Variants in MCHR2 observed in about 807,000 individuals in gnomAD.
MCHR2 encodes the protein melanin concentrating hormone receptor 2.
In MCHR2, 15 loss-of-function variants were observed where a neutral mutation model predicts 24.8. That is an observed-to-expected ratio of 0.60 (90% CI 0.40 to 0.93). MCHR2 has a LOEUF of 0.93. Ranked by LOEUF, MCHR2 falls within the 40% of genes least tolerant of loss-of-function variation. The pLI, the probability that MCHR2 is intolerant of heterozygous loss-of-function variation, is 0.00. For synonymous variants in MCHR2, 151 were observed against 147.6 expected, an observed-to-expected ratio of 1.02 and a Z score of -0.17; for missense variants, 386 against 408.7, an observed-to-expected ratio of 0.94 and a Z score of 0.48.
intron 5 of MCHR2, among the ~76,000 whole-genome samples, chr6:99,924,791 T>G (rs1297092717): frequency 6.6e-6 from 1 of 152,116 alleles, no homozygotes; most frequent in Non-Finnish European, 1.5e-5. Context: ...ATTATTTGAA[T>G]TTTTAAAGAC....
chr6:99,934,366 C>T (rs1562119909), intron 5 of MCHR2, 32 bp downstream of exon 5: 4 of 1,525,948 alleles, frequency 2.6e-6, no homozygotes, highest in African/African-American at 1.4e-5. Flanking sequence ...CTAAATTGTT[C>T]TTTTAACAAA....
In MCHR2 at chr6:99,918,609, T is replaced by C. The variant is rs868625895; in HGVS notation, c.*2331A>G. 3.7e-4 allele frequency among the ~76,000 whole-genome samples: 57 copies of C among 152,310 alleles called. No individual in the cohort carries two copies. The highest frequency in any genetic ancestry group is 1.3e-3 in the African/African-American group (54 of 41,576). On this transcript the variant is annotated 3_prime_UTR_variant, in exon 6 of 6. Coordinates refer to ENST00000281806, the MANE Select transcript of MCHR2 (RefSeq NM_001040179.2). ...AATAGAATAAGGATACGATTATTAT[T>C]TGACTGAGTGACAAATACCCAAGTA... is the stretch of plus-strand genomic sequence containing the variant.
At chr6:99,991,996 C>A (rs1349690486) in intron 1 of MCHR2, among the ~76,000 whole-genome samples, 1 of 152,088 alleles carries the variant, frequency 6.6e-6, no homozygotes, top group Non-Finnish European at 1.5e-5. Context: ...TTCTGAGAAT[C>A]AGAATGTTAA....
intron 5 of MCHR2, among the ~76,000 whole-genome samples, chr6:99,926,293 A>G (rs113838523): frequency 0.29 from 44,001 of 152,050 alleles, 7,443 homozygotes; most frequent in Admixed American, 0.41. Context: ...CACAATAAAC[A>G]TACGTATGCA....
intron 5 of MCHR2, among the ~76,000 whole-genome samples, chr6:99,931,074 G>C (rs566251090): frequency 4.6e-5 from 7 of 152,186 alleles, no homozygotes; most frequent in Non-Finnish European, 1.0e-4. Context: ...CTCAGCTGCA[G>C]GTCTGTTGGA....
intron 5 of MCHR2, among the ~76,000 whole-genome samples, chr6:99,927,013 T>A (rs1421253705): frequency 6.6e-6 from 1 of 152,218 alleles, no homozygotes; most frequent in Non-Finnish European, 1.5e-5. Context: ...AATTTTTGTA[T>A]AAGGTGTAAG....
At chr6:99,992,261 A>G (rs1457531282) in intron 1 of MCHR2, among the ~76,000 whole-genome samples, 2 of 152,234 alleles carry the variant, frequency 1.3e-5, no homozygotes, top group Non-Finnish European at 2.9e-5. Flanking sequence ...TCTAATGGGC[A>G]TCCAAAGGTC....
At chr6:99,940,143 A>T (rs1356118914) in intron 4 of MCHR2, among the ~76,000 whole-genome samples, 1 of 151,616 alleles carries the variant, frequency 6.6e-6, no homozygotes, top group African/African-American at 2.4e-5. Context: ...AATTTGGGGA[A>T]ATTTTCTGTT....
intron 1 of MCHR2, among the ~76,000 whole-genome samples, chr6:99,991,906 A>G (rs374207648): frequency 6.6e-6 from 1 of 151,946 alleles, no homozygotes; most frequent in Admixed American, 6.5e-5. Flanking sequence ...TCTTTTCTTC[A>G]GCCCTGAGGC....
At chr6:99,986,407 T>G (rs66799848) in intron 1 of MCHR2, among the ~76,000 whole-genome samples, 32,133 of 152,100 alleles carry the variant, frequency 0.21, 3,754 homozygotes, top group South Asian at 0.42. Context: ...AGCAAAGTCA[T>G]GCAGTCAACC....
At chr6:99,937,709 G>T (rs1035925164) in intron 4 of MCHR2, among the ~76,000 whole-genome samples, 1 of 150,410 alleles carries the variant, frequency 6.6e-6, no homozygotes, top group Non-Finnish European at 1.5e-5. Context: ...TCAGAGTAAC[G>T]CTGGCTTTGT....
intron 5 of MCHR2, among the ~76,000 whole-genome samples, chr6:99,933,025 C>A (rs546975181): frequency 6.6e-6 from 1 of 152,132 alleles, no homozygotes; most frequent in Admixed American, 6.5e-5. Flanking sequence ...CTACTATCTA[C>A]TTTTTTAGAA....
chr6:99,928,686 C>A (rs1489264467), intron 5 of MCHR2, among the ~76,000 whole-genome samples: 4 of 151,944 alleles, frequency 2.6e-5, no homozygotes, highest in African/African-American at 9.7e-5. Context: ...TGGTGATATC[C>A]CCTTTATCAC....
At chr6:99,956,945 T>C (rs181057177) in intron 1 of MCHR2, among the ~76,000 whole-genome samples, 1,735 of 95,040 alleles carry the variant, frequency 0.018, 13 homozygotes, top group Non-Finnish European at 0.029. Context: ...CTGGACAAAA[T>C]GTGTGTGTGT....
At chr6:99,974,888 G>A (rs537508339) in intron 1 of MCHR2, among the ~76,000 whole-genome samples, 11 of 152,302 alleles carry the variant, frequency 7.2e-5, no homozygotes, top group Admixed American at 5.9e-4. Flanking sequence ...TACAACAGCA[G>A]ATCTTGGTGA....
intron 1 of MCHR2, among the ~76,000 whole-genome samples, chr6:99,978,143 T>C (rs1015242504): frequency 1.3e-5 from 2 of 151,926 alleles, no homozygotes; most frequent in African/African-American, 4.8e-5. Flanking sequence ...ACAAGGTAGG[T>C]TTCCACTTGA....
intron 5 of MCHR2, among the ~76,000 whole-genome samples, chr6:99,923,835 G>A (rs1403266439): frequency 6.6e-6 from 1 of 151,936 alleles, no homozygotes; most frequent in Non-Finnish European, 1.5e-5. Context: ...ATTTTGTTGT[G>A]AATTTTTGCA....
chr6:99,984,533 T>A (rs1007412084), intron 1 of MCHR2, among the ~76,000 whole-genome samples: 6 of 152,044 alleles, frequency 3.9e-5, no homozygotes, highest in Non-Finnish European at 8.8e-5. Flanking sequence ...CATCTTTTAG[T>A]TCTTTCATAT....
At chr6:99,969,996 T>C (rs1775371297) in intron 1 of MCHR2, among the ~76,000 whole-genome samples, 2 of 117,826 alleles carry the variant, frequency 1.7e-5, no homozygotes. Flanking sequence ...AGTCTGCTAT[T>C]GTGAATAGTG....
Sources: allele counts gnomAD v4.1 joint callset (sites outside exome capture counted in the v4.1 genomes callset), GRCh38; gene constraint gnomAD v4.1.1; transcripts MANE v1.5; gene names NCBI Gene and HGNC (gene_info 2026-07-23, HGNC 2026-07-21).